Variants in ADTRP observed in about 807,000 individuals in gnomAD.
The protein encoded by ADTRP is androgen dependent TFPI regulating protein.
In ADTRP, 20 loss-of-function variants were observed where a neutral mutation model predicts 27.0. That is an observed-to-expected ratio of 0.74 (90% CI 0.52 to 1.08). The LOEUF is 1.08. ADTRP is among the 50% of genes least tolerant of loss of function. The probability of loss-of-function intolerance (pLI) is 0.00; values close to 1 mark genes in which losing one functional copy is unlikely to be tolerated. For missense variants in ADTRP, 251 were observed against 275.0 expected (o/e 0.91, Z 0.62); for synonymous variants, 101 against 105.2 (o/e 0.96, Z 0.25).
intron 1 of ADTRP, among the ~76,000 whole-genome samples, chr6:11,769,803 T>C (rs1215426525): frequency 6.6e-6 from 1 of 152,050 alleles, no homozygotes; most frequent in African/African-American, 2.4e-5. Flanking sequence ...ATTTTAAATG[T>C]AGAAAAAGAT....
chr6:11,775,875 T>C (rs1463327511), intron 1 of ADTRP, among the ~76,000 whole-genome samples: 3 of 151,972 alleles, frequency 2.0e-5, no homozygotes, highest in Admixed American at 1.3e-4. Context: ...CGAGGAGGGG[T>C]GTAAATTTTC....
intron 3 of ADTRP, chr6:11,755,024 T>A: frequency 1.0e-6 from 1 of 985,062 alleles, no homozygotes; most frequent in Non-Finnish European, 1.2e-6. Flanking sequence ...TCTTCTGTTA[T>A]GAGTTTCTCC....
chr6:11,766,364 CA>C lies in ADTRP; in HGVS notation c.299del (p.Leu100TrpfsTer19), dbSNP rs1484587425. ...TGTAGAGAAAGAGGATCCAGAATGCCAAAAATACAAACTGGAAAATAAAACA... is the reference window on the plus strand; with the variant it reads ...TGTAGAGAAAGAGGATCCAGAATGCCAAAATACAAACTGGAAAATAAAACA... ...LAFPVSTFVF[L>X]AFWILFLYNR... On this transcript the variant is annotated frameshift_variant, in exon 3 of 6. Transcript: ENST00000414691. LOFTEE classifies it high-confidence loss of function. The C allele has an allele frequency of 1.1e-5, 18 of 1,609,552 alleles. No individual in the cohort carries two copies. Among genetic ancestry groups the C allele is most frequent in the Non-Finnish European group, 1.3e-5 (15 of 1,177,412 alleles).
chr6:11,778,660 G>A lies in ADTRP; in HGVS notation c.100C>T (p.Pro34Ser). The A allele has an allele frequency of 6.2e-7, 1 of 1,614,162 alleles. No individual in the cohort carries two copies. Among genetic ancestry groups the A allele is most frequent in the Non-Finnish European group, 8.5e-7 (1 of 1,180,038 alleles). Reference sequence around the variant, plus strand: ...CTTGCACCATTTGCCAAGATTTTGGGTTTCACCTCGTCTTTTCCTTCCTGT... The same window carrying A: ...CTTGCACCATTTGCCAAGATTTTGGATTTCACCTCGTCTTTTCCTTCCTGT... ...ISQEGKDEVK[P>S]KILANGARWK... The change falls in exon 1 of 6, where the codon CCC (proline) becomes TCC (serine). Residue 34 changes from proline to serine, a missense_variant. By Grantham distance (74) the Pro-to-Ser change is moderately conservative. Transcript: ENST00000414691.
At chr6:11,720,254 A>T (rs1761972395) in intron 5 of ADTRP, among the ~76,000 whole-genome samples, 1 of 152,166 alleles carries the variant, frequency 6.6e-6, no homozygotes. Context: ...AGAACTGAAG[A>T]TCTGGAGAAA....
chr6:11,722,889 C>T (rs73721802), intron 5 of ADTRP, among the ~76,000 whole-genome samples: 4,642 of 152,238 alleles, frequency 0.03, 228 homozygotes, highest in African/African-American at 0.11. Flanking sequence ...TAATGAGGTA[C>T]TGCTGAGTTG....
intron 5 of ADTRP, among the ~76,000 whole-genome samples, chr6:11,719,777 G>A (rs970267188): frequency 2.0e-5 from 3 of 152,198 alleles, no homozygotes; most frequent in Non-Finnish European, 2.9e-5. Context: ...CATCATCTCT[G>A]TCCGTCTGCT....
chr6:11,736,588 C>A (rs1469386125), intron 3 of ADTRP: 2 of 152,694 alleles, frequency 1.3e-5, no homozygotes, highest in Non-Finnish European at 2.9e-5. Context: ...GCTCGCACTT[C>A]CAGCCTCCTG....
At chr6:11,724,640 G>C (rs910930536) in intron 4 of ADTRP, among the ~76,000 whole-genome samples, 1 of 152,170 alleles carries the variant, frequency 6.6e-6, no homozygotes, top group Admixed American at 6.5e-5. Flanking sequence ...TCATTGGTTA[G>C]GAGCACAGAA....
chr6:11,723,017 A>C (rs748807440), intron 5 of ADTRP, among the ~76,000 whole-genome samples: 5 of 152,158 alleles, frequency 3.3e-5, no homozygotes, highest in Non-Finnish European at 5.9e-5. Context: ...GAGACCCCTG[A>C]TTTTATTTAT....
intron 3 of ADTRP, among the ~76,000 whole-genome samples, chr6:11,741,204 G>A (rs1762704321): frequency 6.6e-6 from 1 of 152,158 alleles, no homozygotes; most frequent in Non-Finnish European, 1.5e-5. Context: ...AAGTTATATG[G>A]CAAGGAGTAG....
At chr6:11,752,760 C>T (rs776132268) in intron 3 of ADTRP, among the ~76,000 whole-genome samples, 8 of 152,324 alleles carry the variant, frequency 5.3e-5, no homozygotes, top group Non-Finnish European at 1.2e-4. Context: ...TTCCTCCACA[C>T]CTCATGAGAA....
chr6:11,734,706 A>G lies in ADTRP; in HGVS notation c.506+862T>C, dbSNP rs540634050. Among the ~76,000 whole-genome samples the G allele has an allele frequency of 6.7e-5, 10 of 149,898 alleles. No homozygotes were observed. In the East Asian group the frequency reaches 1.4e-3, roughly 21 times the overall value. On this transcript the variant is annotated intron_variant, in intron 4 of 5. Coordinates refer to ENST00000414691, the MANE Select transcript of ADTRP (RefSeq NM_032744.4). ...CTAGAGCCCATGTTCTTTGGAATGC[A>G]CTCTCTCTCTCTCTCTCTGCGCTTC...
chr6:11,756,341 A>C (rs1763213862), intron 3 of ADTRP, among the ~76,000 whole-genome samples: 1 of 151,972 alleles, frequency 6.6e-6, no homozygotes. Flanking sequence ...CTCAAATAAT[A>C]ATAATAATAA....
At chr6:11,749,806 A>G (rs1028769265) in intron 3 of ADTRP, among the ~76,000 whole-genome samples, 4 of 152,146 alleles carry the variant, frequency 2.6e-5, no homozygotes, top group African/African-American at 9.7e-5. Flanking sequence ...TGAGGGCAAC[A>G]CTCGGGTTAT....
intron 5 of ADTRP, among the ~76,000 whole-genome samples, chr6:11,719,569 CT>C (rs1452937361): frequency 6.6e-6 from 1 of 152,158 alleles, no homozygotes; most frequent in African/African-American, 2.4e-5. Context: ...TGCTAGAGAG[CT>C]ACTGTCACAT....
chr6:11,746,668 G>C (rs1340447607), intron 3 of ADTRP, among the ~76,000 whole-genome samples: 1 of 152,220 alleles, frequency 6.6e-6, no homozygotes, highest in African/African-American at 2.4e-5. Context: ...AAGGAAAAGA[G>C]GGAAAGAACT....
intron 1 of ADTRP, among the ~76,000 whole-genome samples, chr6:11,770,479 C>T (rs887373294): frequency 2.6e-5 from 4 of 152,022 alleles, no homozygotes; most frequent in African/African-American, 9.7e-5. Flanking sequence ...AAGCAGGCAG[C>T]AGACAGCAGG....
At chr6:11,724,120 G>T (rs1356795316) in intron 4 of ADTRP, among the ~76,000 whole-genome samples, 1 of 152,128 alleles carries the variant, frequency 6.6e-6, no homozygotes, top group Non-Finnish European at 1.5e-5. Flanking sequence ...AAGAACTAAA[G>T]AGAGTATGTG....
Sources: gnomAD v4.1 joint callset for allele counts (sites outside exome capture counted in the v4.1 genomes callset) on GRCh38, gnomAD v4.1.1 for gene constraint, MANE v1.5 for transcripts, NCBI Gene and HGNC (gene_info 2026-07-23, HGNC 2026-07-21) for gene names.